Variants in SLC36A1 observed in about 807,000 individuals in gnomAD.
SLC36A1 encodes the protein proton-coupled amino acid transporter 1.
In SLC36A1, 30 loss-of-function variants were observed where a neutral mutation model predicts 47.5. That is an observed-to-expected ratio of 0.63 (90% CI 0.47 to 0.86). The LOEUF (loss-of-function observed/expected upper bound fraction) is 0.86, where lower values mean the gene tolerates loss of function less well. Ranked by LOEUF, SLC36A1 falls within the 40% of genes least tolerant of loss-of-function variation. The pLI, the probability that SLC36A1 is intolerant of heterozygous loss-of-function variation, is 0.00. For missense variants in SLC36A1, 517 were observed against 606.0 expected (o/e 0.85, Z 1.54); for synonymous variants, 255 against 249.7 (o/e 1.02, Z -0.20).
chr5:151,435,587 A>G (rs914057628), upstream of SLC36A1, among the ~76,000 whole-genome samples: 1 of 152,116 alleles, frequency 6.6e-6, no homozygotes, highest in Non-Finnish European at 1.5e-5. Flanking sequence ...AAGTGCCTAT[A>G]TTTTCTGCAG....
At chr5:151,553,356 A>C in the SLC36A1 span, 1 of 1,614,206 alleles carries the variant, frequency 6.2e-7, no homozygotes, top group Non-Finnish European at 8.5e-7. Flanking sequence ...ACTGGCTGAG[A>C]GTGGTGGCTG....
chr5:151,512,575 T>C, the SLC36A1 span: 1 of 1,612,642 alleles, frequency 6.2e-7, no homozygotes. This position sits in a 1 kb window ranked among gnomAD's most constrained non-coding sequence, Gnocchi z 4.1. Flanking sequence ...ACCCAGACAG[T>C]GGTATTCCAG....
At chr5:151,352,934 G>C in the SLC36A1 span, among the ~76,000 whole-genome samples, 1 of 152,198 alleles carries the variant, frequency 6.6e-6, no homozygotes, top group African/African-American at 2.4e-5. Flanking sequence ...GATTCTTCTT[G>C]GCCTCTCTAT....
chr5:151,374,962 C>T, the SLC36A1 span, among the ~76,000 whole-genome samples: 1 of 151,108 alleles, frequency 6.6e-6, no homozygotes, highest in Non-Finnish European at 1.5e-5. Flanking sequence ...GATATCAGTC[C>T]CCTGTTGGAT....
chr5:151,356,797 C>CAAGA, the SLC36A1 span, among the ~76,000 whole-genome samples: 1 of 152,140 alleles, frequency 6.6e-6, no homozygotes, highest in African/African-American at 2.4e-5. Context: ...CAACTGGGGG[C>CAAGA]AATTTTCTCT....
chr5:151,380,985 A>G, the SLC36A1 span: 5 of 388,170 alleles, frequency 1.3e-5, no homozygotes, highest in African/African-American at 2.1e-5. Context: ...CTCCAACCCT[A>G]TAACAGAGGG....
the SLC36A1 span, chr5:151,382,441 T>C: frequency 1.7e-5 from 10 of 587,578 alleles, no homozygotes; most frequent in Non-Finnish European, 2.4e-5. Flanking sequence ...GATGTGTTAG[T>C]CTTCTAGCAT....
the SLC36A1 span, chr5:151,544,564 G>A: frequency 6.2e-7 from 1 of 1,614,076 alleles, no homozygotes; most frequent in Non-Finnish European, 8.5e-7. Context: ...GAGAATTGGG[G>A]TATAGAGGGT....
At chr5:151,454,051 A>G (rs952359854) in intron 1 of SLC36A1, among the ~76,000 whole-genome samples, 7 of 151,820 alleles carry the variant, frequency 4.6e-5, no homozygotes, top group Non-Finnish European at 8.8e-5. Context: ...CATAAGGAAA[A>G]AAAAGGAATG....
chr5:151,379,743 A>G, the SLC36A1 span, among the ~76,000 whole-genome samples: 1 of 152,206 alleles, frequency 6.6e-6, no homozygotes, highest in Non-Finnish European at 1.5e-5. Context: ...TCAATGTGTA[A>G]CAATATAAAA....
the SLC36A1 span, among the ~76,000 whole-genome samples, chr5:151,393,723 T>A: frequency 7.2e-5 from 11 of 152,268 alleles, no homozygotes; most frequent in African/African-American, 2.2e-4. Flanking sequence ...GAATGTTGAA[T>A]ATTGGCCCCC....
the SLC36A1 span, among the ~76,000 whole-genome samples, chr5:151,418,366 A>G: frequency 1.3e-5 from 2 of 152,182 alleles, no homozygotes; most frequent in Admixed American, 6.5e-5. Context: ...AGACACAGAC[A>G]CTCAACACCA....
chr5:151,459,600 A>G (rs570793763), intron 2 of SLC36A1, among the ~76,000 whole-genome samples: 18 of 152,138 alleles, frequency 1.2e-4, no homozygotes, highest in African/African-American at 4.1e-4. Context: ...AAGTTTTGCT[A>G]CTCCATTGAG....
the SLC36A1 span, chr5:151,540,793 C>G: frequency 6.3e-7 from 1 of 1,587,936 alleles, no homozygotes; most frequent in Non-Finnish European, 8.6e-7. Context: ...CTTTCAGAAG[C>G]CAAGCAATAG....
chr5:151,550,503 G>A, the SLC36A1 span: 2 of 1,442,366 alleles, frequency 1.4e-6, no homozygotes, highest in Non-Finnish European at 1.9e-6. Context: ...ATGAGGGGAA[G>A]GGGGACCTTC....
upstream of SLC36A1, among the ~76,000 whole-genome samples, chr5:151,433,606 A>G (rs879296968): frequency 1.3e-5 from 2 of 151,862 alleles, no homozygotes; most frequent in Non-Finnish European, 2.9e-5. Flanking sequence ...AACATATTTT[A>G]AAAAAATTCT....
chr5:151,451,522 A>C (rs1241531924), intron 1 of SLC36A1, among the ~76,000 whole-genome samples: 4 of 152,240 alleles, frequency 2.6e-5, no homozygotes, highest in Non-Finnish European at 4.4e-5. Context: ...AATGGAGCCC[A>C]TACTGCAGAC....
the SLC36A1 span, among the ~76,000 whole-genome samples, chr5:151,367,374 T>TTTTTTTTTTTTTCCC: frequency 6.9e-6 from 1 of 145,466 alleles, no homozygotes; most frequent in African/African-American, 2.6e-5. Context: ...TTTTTTTTTT[T>TTTTTTTTTTTTTCCC]CCCCAGGGTA....
chr5:151,538,947 A>G, the SLC36A1 span, among the ~76,000 whole-genome samples: 1 of 151,998 alleles, frequency 6.6e-6, no homozygotes, highest in Non-Finnish European at 1.5e-5. Context: ...CGGCCTCCCA[A>G]AGTGCTTGGA....
Sources: gnomAD v4.1 joint callset for allele counts (sites outside exome capture counted in the v4.1 genomes callset) on GRCh38, gnomAD v4.1.1 for gene constraint, Gnocchi (gnomAD v3.1) non-coding constraint, MANE v1.5 for transcripts, NCBI Gene and HGNC (gene_info 2026-07-23, HGNC 2026-07-21) for gene names.